PCDHGA2: variants seen among roughly 807,000 people sequenced by gnomAD.
PCDHGA2 encodes the protein protocadherin gamma subfamily A, 2.
A neutral mutation model predicts 59.2 loss-of-function variants in PCDHGA2; 40 were observed. The observed-to-expected ratio is 0.68, with a 90% CI of 0.52 to 0.88. The LOEUF is 0.88. PCDHGA2 is among the 40% of genes least tolerant of loss of function. The pLI is 0.00. For synonymous variants in PCDHGA2, 560 were observed against 526.0 expected, an observed-to-expected ratio of 1.06 and a Z score of -0.89; for missense variants, 1,226 against 1,204.0, an observed-to-expected ratio of 1.02 and a Z score of -0.27.
chr5:141,477,475 C>A lies in PCDHGA2; in HGVS notation c.2425-17332C>A. ...TTCAAGTGTCCGACATCAATGACAA[C>A]CCTCCACAATCTTCTCAATCTTCCT... On this transcript the variant is annotated intron_variant, in intron 1 of 3. Coordinates refer to ENST00000394576, the MANE Select transcript of PCDHGA2 (RefSeq NM_018915.4). The surrounding 1 kb of genome is among the most constrained non-coding windows in gnomAD (Gnocchi z 4.9). The A allele has an allele frequency of 3.1e-6, 5 of 1,614,124 alleles. No homozygotes were observed. The highest frequency in any genetic ancestry group is 4.2e-6 in the Non-Finnish European group (5 of 1,180,030).
chr5:141,352,643 G>A lies in PCDHGA2; in HGVS notation c.2424+11248G>A, dbSNP rs199530238. 1.1e-4 allele frequency: 177 copies of A among 1,606,940 alleles called. No individual in the cohort carries two copies. In the African/African-American group the frequency reaches 2.2e-3, roughly 20 times the overall value. On this transcript the variant is annotated intron_variant, in intron 1 of 3. Coordinates refer to ENST00000394576, the MANE Select transcript of PCDHGA2 (RefSeq NM_018915.4). ...TGCCAGTAATGAAGATCACAAAATC[G>A]CTTATGACCCTTCTTTGTCTTCGCA... is the stretch of plus-strand genomic sequence containing the variant.
intron 3 of PCDHGA2, among the ~76,000 whole-genome samples, chr5:141,510,048 G>GTGAT (rs1392197406): frequency 1.3e-5 from 2 of 152,192 alleles, no homozygotes; most frequent in Non-Finnish European, 2.9e-5. Context: ...GAGGTTAAAA[G>GTGAT]TGATTGTGCA....
intron 1 of PCDHGA2, among the ~76,000 whole-genome samples, chr5:141,452,350 A>G (rs1355934993): frequency 6.6e-6 from 1 of 152,212 alleles, no homozygotes; most frequent in Admixed American, 6.5e-5. Context: ...CCATTTATCC[A>G]AAAGCCTTGC....
At chr5:141,387,526 G>A (rs186607627) in intron 1 of PCDHGA2, among the ~76,000 whole-genome samples, 58 of 152,324 alleles carry the variant, frequency 3.8e-4, no homozygotes, top group African/African-American at 1.3e-3. Context: ...ATATACAGAC[G>A]TATCCACGTA....
chr5:141,408,509 G>T, intron 1 of PCDHGA2: 1 of 1,614,048 alleles, frequency 6.2e-7, no homozygotes, highest in Non-Finnish European at 8.5e-7. Flanking sequence ...AAGAAGATGT[G>T]AGTTGCAATT....
At chr5:141,410,394 T>C in intron 1 of PCDHGA2, 1 of 1,614,054 alleles carries the variant, frequency 6.2e-7, no homozygotes, top group Non-Finnish European at 8.5e-7. Context: ...CATCCTGGTC[T>C]CTGTGTCAAG....
intron 1 of PCDHGA2, chr5:141,399,248 A>G (rs2150780633): frequency 6.2e-7 from 1 of 1,613,870 alleles, no homozygotes; most frequent in South Asian, 1.1e-5. Context: ...GATTCTGGGG[A>G]AAATGGGGAG....
At chr5:141,361,357 G>A (rs1349523966) in intron 1 of PCDHGA2, 1 of 1,613,920 alleles carries the variant, frequency 6.2e-7, no homozygotes, top group Admixed American at 1.7e-5. Flanking sequence ...AGTGACAGAC[G>A]GCGCTCTGGA....
intron 1 of PCDHGA2, 124 bp from the exon 2 acceptor site, chr5:141,494,683 C>G: frequency 6.4e-7 from 1 of 1,569,074 alleles, no homozygotes; most frequent in Non-Finnish European, 8.7e-7. Context: ...CCCCTGCCCC[C>G]TCTTAGTCCG....
intron 1 of PCDHGA2, chr5:141,423,852 GT>G (rs971165220): frequency 2.5e-5 from 32 of 1,279,282 alleles, no homozygotes; most frequent in Non-Finnish European, 3.0e-5. Context: ...CTTTCAGAAC[GT>G]TTTTGTGAAA....
At position 141,340,204 on chromosome 5, in the gene PCDHGA2, C is replaced by T. The variant is rs756707441; in HGVS notation, c.1233C>T (p.Asp411=). The part of the protein sequence containing the change: ...YYRLVTTRAL[D]REQFSFYNIT... Reference sequence around the variant, plus strand: ...GACTGGTTACAACCAGAGCCCTTGACAGGGAACAGTTTTCCTTTTACAACA... The same window carrying T: ...GACTGGTTACAACCAGAGCCCTTGATAGGGAACAGTTTTCCTTTTACAACA... Residue 411 remains aspartate (D), a synonymous_variant, in exon 1 of 4, where the codon GAC becomes GAT. Transcript: ENST00000394576. 3.7e-6 allele frequency: 6 copies of T among 1,613,976 alleles called. No individual in the cohort carries two copies. In the East Asian group the frequency reaches 1.3e-4, roughly 36 times the overall value.
In PCDHGA2 at chr5:141,372,016, C is replaced by T. The variant is rs565981965; in HGVS notation, c.2424+30621C>T. 121 of 1,613,374 alleles carry T rather than the reference C, an allele frequency of 7.5e-5. 1 individual carries two copies. The South Asian group carries it at 1.3e-3, about 17-fold the overall frequency. On this transcript the variant is annotated intron_variant, in intron 1 of 3. Coordinates refer to ENST00000394576, the MANE Select transcript of PCDHGA2 (RefSeq NM_018915.4). Reference sequence around the variant, plus strand: ...CAGGCCCGCGACCAGGGCTCGCCTACGCTCAGCGCCAACGTGAGCCTGCGC... The same window carrying T: ...CAGGCCCGCGACCAGGGCTCGCCTATGCTCAGCGCCAACGTGAGCCTGCGC...
At chr5:141,388,887 G>C in intron 1 of PCDHGA2, 1 of 1,613,988 alleles carries the variant, frequency 6.2e-7, no homozygotes, top group Non-Finnish European at 8.5e-7. Context: ...GGAGGTAGAA[G>C]TCATAGATGA....
chr5:141,441,442 C>G (rs938839707), intron 1 of PCDHGA2: 1 of 160,500 alleles, frequency 6.2e-6, no homozygotes, highest in African/African-American at 2.4e-5. Context: ...CTCGTCCAGC[C>G]CAAGCATCAC....
At chr5:141,394,696 C>G (rs1006890229) in intron 1 of PCDHGA2, 1 of 1,612,928 alleles carries the variant, frequency 6.2e-7, no homozygotes, top group African/African-American at 1.3e-5. Context: ...GAGGTGCGCA[C>G]GGCGCGAGCC....
At chr5:141,391,890 G>A (rs2092437971) in intron 1 of PCDHGA2, 1 of 152,182 alleles carries the variant, frequency 6.6e-6, no homozygotes, top group Non-Finnish European at 1.5e-5. Context: ...AAAGGGATGG[G>A]ATGGAGCTTT....
rs187177915 is a variant in PCDHGA2 at position 141,472,338 on chromosome 5, G to A, written c.2425-22469G>A. ...AGGCAGATCACGAGGTTGGGAGATC[G>A]AGACCATCCTGGCTAACACGGTGAA... On this transcript the variant is annotated intron_variant, in intron 1 of 3. Transcript: ENST00000394576. Among the ~76,000 whole-genome samples, 23 of 151,526 alleles carry A rather than the reference G, an allele frequency of 1.5e-4. No homozygotes were observed. The East Asian group carries it at 3.2e-3, about 21-fold the overall frequency.
intron 1 of PCDHGA2, among the ~76,000 whole-genome samples, chr5:141,373,662 T>C (rs1319235176): frequency 6.6e-6 from 1 of 152,246 alleles, no homozygotes; most frequent in Non-Finnish European, 1.5e-5. Context: ...GATATTTTCA[T>C]AAAAATGAAT....
intron 1 of PCDHGA2, chr5:141,345,191 C>G (rs375789971): frequency 1.1e-4 from 175 of 1,613,822 alleles, no homozygotes; most frequent in Non-Finnish European, 1.4e-4. Flanking sequence ...AAGTTTTTGT[C>G]CTGGGAAATC....
Sources: allele counts gnomAD v4.1 joint callset (sites outside exome capture counted in the v4.1 genomes callset), GRCh38; gene constraint gnomAD v4.1.1; non-coding constraint Gnocchi (gnomAD v3.1); transcripts MANE v1.5; gene names NCBI Gene and HGNC (gene_info 2026-07-23, HGNC 2026-07-21).